Variants in STK39 observed in about 807,000 individuals in gnomAD.
The protein encoded by STK39 is STE20/SPS1-related proline-alanine-rich protein kinase.
A neutral mutation model predicts 77.8 loss-of-function variants in STK39; 20 were observed. That is an observed-to-expected ratio of 0.26 (90% CI 0.18 to 0.37). The LOEUF is 0.37. Among genes scored for constraint, STK39 ranks in the 10% least tolerant of loss-of-function variants. The probability of loss-of-function intolerance (pLI) is 1.00; values close to 1 mark genes in which losing one functional copy is unlikely to be tolerated. For missense variants in STK39, 479 were observed against 656.5 expected (o/e 0.73, Z 2.95); for synonymous variants, 246 against 234.1 (o/e 1.05, Z -0.47).
At chr2:168,062,875 T>C (rs1167274039) in intron 14 of STK39, among the ~76,000 whole-genome samples, 4 of 152,128 alleles carry the variant, frequency 2.6e-5, no homozygotes, top group African/African-American at 7.2e-5. Flanking sequence ...TCTTGAGATA[T>C]CAAATTCTTA....
chr2:168,004,164 C>T (rs1434504308), intron 16 of STK39, among the ~76,000 whole-genome samples: 1 of 152,202 alleles, frequency 6.6e-6, no homozygotes, highest in African/African-American at 2.4e-5. Context: ...CTGGAGGATC[C>T]ACTGCCTCCT....
At chr2:168,228,874 A>C (rs968824879) in intron 1 of STK39, among the ~76,000 whole-genome samples, 5 of 152,232 alleles carry the variant, frequency 3.3e-5, no homozygotes, top group East Asian at 3.9e-4. Flanking sequence ...TTTTCCTTAC[A>C]TGAGAAAGGA....
chr2:168,019,309 A>G (rs1026443616), intron 14 of STK39, among the ~76,000 whole-genome samples: 43 of 152,314 alleles, frequency 2.8e-4, no homozygotes, highest in African/African-American at 1.0e-3. Context: ...CCACATTCAC[A>G]TATCCTTTAT....
intron 1 of STK39, among the ~76,000 whole-genome samples, chr2:168,229,943 C>T (rs1020423257): frequency 6.6e-6 from 1 of 152,206 alleles, no homozygotes; most frequent in Non-Finnish European, 1.5e-5. Context: ...AAAAATCACT[C>T]TGATGCTTAG....
At chr2:168,214,050 GGC>G (rs1184407915) in intron 1 of STK39, among the ~76,000 whole-genome samples, 3 of 152,112 alleles carry the variant, frequency 2.0e-5, no homozygotes, top group Non-Finnish European at 4.4e-5. Context: ...AGACCTGAGA[GGC>G]CGGTGGACAA....
At chr2:168,199,229 C>T (rs1222373485) in intron 1 of STK39, among the ~76,000 whole-genome samples, 1 of 152,200 alleles carries the variant, frequency 6.6e-6, no homozygotes, top group Non-Finnish European at 1.5e-5. Flanking sequence ...CCAGCAGCAG[C>T]CTCTCTATGA....
At chr2:168,150,981 TCC>T (rs1280120972) in intron 5 of STK39, among the ~76,000 whole-genome samples, 1 of 152,054 alleles carries the variant, frequency 6.6e-6, no homozygotes, top group Non-Finnish European at 1.5e-5. Flanking sequence ...TTCTATTTAT[TCC>T]TTCTTGAAAG....
chr2:167,984,788 C>G (rs781275721), intron 16 of STK39, among the ~76,000 whole-genome samples: 33 of 151,976 alleles, frequency 2.2e-4, no homozygotes, highest in Non-Finnish European at 3.4e-4. Context: ...TAAAAATACA[C>G]TTAAAATAAT....
chr2:167,995,395 C>T (rs1574376186), intron 16 of STK39, among the ~76,000 whole-genome samples: 1 of 152,024 alleles, frequency 6.6e-6, no homozygotes, highest in Non-Finnish European at 1.5e-5. Context: ...GGCGTGAGCC[C>T]CCGCGCCCAG....
At chr2:168,064,206 T>C (rs1170006536) in intron 13 of STK39, among the ~76,000 whole-genome samples, 1 of 152,182 alleles carries the variant, frequency 6.6e-6, no homozygotes, top group Admixed American at 6.5e-5. Flanking sequence ...CCGTAAAAGG[T>C]TGCAGGGAGA....
intron 14 of STK39, among the ~76,000 whole-genome samples, chr2:168,025,666 T>C (rs1055500040): frequency 1.3e-5 from 2 of 152,200 alleles, no homozygotes; most frequent in African/African-American, 4.8e-5. Flanking sequence ...CAGACGAATG[T>C]GCAGCCCTCA....
At chr2:168,073,889 A>T (rs762599189) in intron 12 of STK39, among the ~76,000 whole-genome samples, 22 of 152,138 alleles carry the variant, frequency 1.4e-4, no homozygotes, top group Non-Finnish European at 2.6e-4. Context: ...AAGCGCTGGG[A>T]TTACAGGAGT....
chr2:168,139,895 GA>G lies in STK39; in HGVS notation c.840+393del, dbSNP rs901727430. On this transcript the variant is annotated intron_variant, in intron 7 of 17. Transcript: ENST00000355999. ...ATGTTGTAGTCCACTTAAAAAGAAA[GA>G]AAAAAAAAAGCTCTGAAAATCTGGG... Among the ~76,000 whole-genome samples the G allele has an allele frequency of 5.1e-3, 759 of 147,416 alleles. 8 individuals are homozygous for G. The highest frequency in any genetic ancestry group is 0.017 in the African/African-American group (690 of 40,214).
chr2:167,961,404 G>C (rs1480462078), intron 17 of STK39, among the ~76,000 whole-genome samples: 2 of 152,122 alleles, frequency 1.3e-5, no homozygotes, highest in Admixed American at 1.3e-4. Flanking sequence ...CTCAAAATTT[G>C]TATTCTATCT....
chr2:168,077,813 A>C (rs1438804247), intron 10 of STK39, among the ~76,000 whole-genome samples: 2 of 151,972 alleles, frequency 1.3e-5, no homozygotes, highest in African/African-American at 4.8e-5. Context: ...ATGAGAAACA[A>C]CTTTTATCTT....
intron 1 of STK39, among the ~76,000 whole-genome samples, chr2:168,194,870 A>C (rs976082850): frequency 7.9e-5 from 12 of 152,168 alleles, no homozygotes; most frequent in African/African-American, 2.9e-4. Context: ...AAACCATTAC[A>C]AGTATTGATT....
At chr2:167,975,648 T>C (rs920099944) in intron 16 of STK39, among the ~76,000 whole-genome samples, 3 of 152,150 alleles carry the variant, frequency 2.0e-5, no homozygotes, top group Non-Finnish European at 4.4e-5. Flanking sequence ...ACCCCGTCTC[T>C]ACTAAAACAC....
At chr2:168,120,347 T>A (rs1425703975) in intron 10 of STK39, among the ~76,000 whole-genome samples, 1 of 152,234 alleles carries the variant, frequency 6.6e-6, no homozygotes, top group East Asian at 1.9e-4. Flanking sequence ...ACCAGCTTCA[T>A]GACCTTTCCC....
At chr2:168,005,030 G>C (rs1474978800) in intron 16 of STK39, among the ~76,000 whole-genome samples, 28 of 116,298 alleles carry the variant, frequency 2.4e-4, no homozygotes, top group Non-Finnish European at 4.1e-4. Context: ...TTTTGAGACA[G>C]AGTCTCGCTC....
Sources: allele counts gnomAD v4.1 joint callset (sites outside exome capture counted in the v4.1 genomes callset), GRCh38; gene constraint gnomAD v4.1.1; transcripts MANE v1.5; gene names NCBI Gene and HGNC (gene_info 2026-07-23, HGNC 2026-07-21).